The following SRGAP1 variants were observed in gnomAD, a reference collection of about 807,000 sequenced individuals.
SRGAP1 encodes the protein SLIT-ROBO Rho GTPase-activating protein 1.
Under a neutral mutation model 121.9 loss-of-function variants are expected in SRGAP1, and 43 were observed. The ratio of observed to expected loss-of-function variants is 0.35; its 90% CI spans 0.28 to 0.46. The LOEUF (loss-of-function observed/expected upper bound fraction) is 0.46. Ranked by LOEUF, SRGAP1 falls within the 20% of genes least tolerant of loss-of-function variation. The pLI, the probability that SRGAP1 is intolerant of heterozygous loss-of-function variation, is 1.00. For missense variants in SRGAP1, 1,102 were observed against 1,350.9 expected (o/e 0.82, Z 2.89); for synonymous variants, 447 against 485.4 (o/e 0.92, Z 1.04).
At chr12:63,901,316 A>G (rs114226745) in intron 1 of SRGAP1, among the ~76,000 whole-genome samples, 27 of 152,328 alleles carry the variant, frequency 1.8e-4, no homozygotes, top group African/African-American at 6.5e-4. Context: ...GTCCTGCACC[A>G]TGTTTATGCA....
chr12:63,944,756 T>C (rs1316557235), intron 1 of SRGAP1, among the ~76,000 whole-genome samples: 2 of 152,190 alleles, frequency 1.3e-5, no homozygotes, highest in Non-Finnish European at 2.9e-5. Context: ...GTCGGAAAAG[T>C]ATTCCATCAC....
chr12:63,918,545 T>C (rs1485181246), intron 1 of SRGAP1, among the ~76,000 whole-genome samples: 1 of 152,132 alleles, frequency 6.6e-6, no homozygotes, highest in East Asian at 1.9e-4. Context: ...GTCTCCTGAG[T>C]AGCTGGAACT....
chr12:64,110,849 G>A (rs1044452641), intron 16 of SRGAP1, among the ~76,000 whole-genome samples: 4 of 152,290 alleles, frequency 2.6e-5, no homozygotes, highest in Admixed American at 1.3e-4. Flanking sequence ...AAAGGGTAAA[G>A]TATCATGTCA....
chr12:64,122,333 A>G (rs2036617071), intron 18 of SRGAP1, among the ~76,000 whole-genome samples: 1 of 152,216 alleles, frequency 6.6e-6, no homozygotes, highest in African/African-American at 2.4e-5. Context: ...GAGGCTTTCT[A>G]TATGAAAGAG....
intron 1 of SRGAP1, among the ~76,000 whole-genome samples, chr12:63,859,430 G>A (rs1431244339): frequency 2.6e-5 from 4 of 152,142 alleles, no homozygotes; most frequent in African/African-American, 4.8e-5. Flanking sequence ...GCCTCCTAAA[G>A]TGCTGGGATT....
At chr12:63,934,019 C>T (rs1207426356) in intron 1 of SRGAP1, among the ~76,000 whole-genome samples, 1 of 152,136 alleles carries the variant, frequency 6.6e-6, no homozygotes, top group Non-Finnish European at 1.5e-5. Context: ...TTAAAATAAC[C>T]TCTATGCCAA....
At chr12:64,017,136 A>G (rs543955100) in intron 4 of SRGAP1, 124 bp downstream of exon 4, 46 of 596,346 alleles carry the variant, frequency 7.7e-5, no homozygotes, top group Non-Finnish European at 1.1e-4. Context: ...TGCTTGAAAT[A>G]CAGGAACAAG....
At chr12:63,930,217 A>G (rs112420598) in intron 1 of SRGAP1, among the ~76,000 whole-genome samples, 16,198 of 151,300 alleles carry the variant, frequency 0.11, 944 homozygotes, top group African/African-American at 0.14. Flanking sequence ...ATGGCTGGGC[A>G]TGGTGGCTCA....
At chr12:63,917,989 G>A (rs1214488665) in intron 1 of SRGAP1, among the ~76,000 whole-genome samples, 1 of 152,232 alleles carries the variant, frequency 6.6e-6, no homozygotes, top group African/African-American at 2.4e-5. Flanking sequence ...CTCACTGGAA[G>A]TTTGGTGGCT....
At chr12:64,044,427 C>T (rs1206381917) in intron 6 of SRGAP1, among the ~76,000 whole-genome samples, 1 of 152,080 alleles carries the variant, frequency 6.6e-6, no homozygotes, top group East Asian at 1.9e-4. Flanking sequence ...GGGTTATCTG[C>T]TGGAATTTTA....
chr12:63,928,113 T>C (rs971047456), intron 1 of SRGAP1, among the ~76,000 whole-genome samples: 2 of 152,172 alleles, frequency 1.3e-5, no homozygotes, highest in African/African-American at 4.8e-5. Context: ...TGTCTTTTCC[T>C]TTTTCAGCCA....
chr12:64,127,808 C>T lies in SRGAP1; in HGVS notation c.2541-53C>T, dbSNP rs2036719278. 5.6e-6 allele frequency: 9 copies of T among 1,599,238 alleles called. No individual in the cohort carries two copies. In the South Asian group the frequency reaches 7.9e-5, roughly 14 times the overall value. ...GCCACTGCACCTCAGCCTTGCAGTA[C>T]TGCCCGGTGTGATAAGCTCTTCTGT... On this transcript the variant is annotated intron_variant, in intron 20 of 21. Transcript: ENST00000355086.
chr12:64,021,847 T>C (rs1413983550), intron 4 of SRGAP1, among the ~76,000 whole-genome samples: 1 of 152,204 alleles, frequency 6.6e-6, no homozygotes, highest in Non-Finnish European at 1.5e-5. Flanking sequence ...GTGGAATTCA[T>C]TGGCTAAAAG....
At chr12:64,005,856 A>G (rs1227335341) in intron 3 of SRGAP1, among the ~76,000 whole-genome samples, 1 of 152,042 alleles carries the variant, frequency 6.6e-6, no homozygotes, top group African/African-American at 2.4e-5. Flanking sequence ...TTTTCCCAAA[A>G]CAGAATAGGC....
chr12:63,892,274 G>A (rs1044051854), intron 1 of SRGAP1, among the ~76,000 whole-genome samples: 1 of 152,098 alleles, frequency 6.6e-6, no homozygotes, highest in Admixed American at 6.5e-5. Flanking sequence ...TGCCATATCT[G>A]TAAGTTTAAT....
At chr12:64,048,202 T>C (rs558685697) in intron 6 of SRGAP1, among the ~76,000 whole-genome samples, 3 of 152,140 alleles carry the variant, frequency 2.0e-5, no homozygotes, top group Non-Finnish European at 2.9e-5. Flanking sequence ...ATAAGTTTAA[T>C]TGTTTTGATT....
At chr12:63,997,265 T>A (rs2033739995) in intron 3 of SRGAP1, among the ~76,000 whole-genome samples, 1 of 152,172 alleles carries the variant, frequency 6.6e-6, no homozygotes, top group Non-Finnish European at 1.5e-5. Flanking sequence ...AATAACATGC[T>A]ATACAGGTTT....
chr12:63,965,423 G>A (rs189509319), intron 1 of SRGAP1, among the ~76,000 whole-genome samples: 1 of 152,142 alleles, frequency 6.6e-6, no homozygotes, highest in Admixed American at 6.5e-5. Flanking sequence ...GCATATTTTG[G>A]TTACATTTTC....
intron 19 of SRGAP1, 51 bp downstream of exon 19, chr12:64,126,208 G>A: frequency 6.4e-7 from 1 of 1,573,524 alleles, no homozygotes; most frequent in Non-Finnish European, 8.7e-7. Context: ...GAGGACTCCA[G>A]CCATTGTTCT....
Sources: allele counts gnomAD v4.1 joint callset (sites outside exome capture counted in the v4.1 genomes callset), GRCh38; gene constraint gnomAD v4.1.1; transcripts MANE v1.5; gene names NCBI Gene and HGNC (gene_info 2026-07-23, HGNC 2026-07-21).